Variants in PCDHGB5 observed in about 807,000 individuals in gnomAD.
The protein encoded by PCDHGB5 is protocadherin gamma-B5.
PCDHGB5 carries 48 observed loss-of-function variants against 62.9 expected under a neutral mutation model. The observed-to-expected ratio is 0.76, with a 90% CI of 0.61 to 0.97. PCDHGB5 has a LOEUF of 0.97. PCDHGB5 is among the 50% of genes least tolerant of loss of function. PCDHGB5 has a pLI of 0.00. For missense variants in PCDHGB5, 1,118 were observed against 1,198.6 expected (o/e 0.93, Z 0.99); for synonymous variants, 474 against 511.2 (o/e 0.93, Z 0.98).
intron 1 of PCDHGB5, chr5:141,405,487 T>G (rs750718741): frequency 4.3e-6 from 4 of 924,990 alleles, no homozygotes; most frequent in Non-Finnish European, 6.4e-6. Context: ...TGGTGTGATC[T>G]CGGCTCATTG....
chr5:141,423,253 C>G (rs750278899), intron 1 of PCDHGB5: 1 of 1,613,916 alleles, frequency 6.2e-7, no homozygotes, highest in Admixed American at 1.7e-5. Flanking sequence ...CCTGGCGGAC[C>G]TCGGCAGCCT....
Position 141,476,901 on chromosome 5 carries a change from G to A in PCDHGB5, c.2398-17906G>A, listed in dbSNP as rs1466086788. The A allele has an allele frequency of 1.9e-6, 3 of 1,613,782 alleles. No individual in the cohort carries two copies. The African/African-American group carries it at 4.0e-5, about 22-fold the overall frequency. On this transcript the variant is annotated intron_variant, in intron 1 of 3. Coordinates refer to ENST00000617380, the MANE Select transcript of PCDHGB5 (RefSeq NM_018925.3). The surrounding 1 kb of genome is among the most constrained non-coding windows in gnomAD (Gnocchi z 7.6). ...CTGGAGGATGCACCCTCCGGCACGC[G>A]CGTGGTACAAGTCCTTGCAACGGAT...
Position 141,491,670 on chromosome 5 carries a change from C to T in PCDHGB5, c.2398-3137C>T. The T allele has an allele frequency of 2.5e-6, 4 of 1,613,768 alleles. No individual in the cohort carries two copies. Among genetic ancestry groups the T allele is most frequent in the South Asian group, 1.1e-5 (1 of 91,082 alleles). On this transcript the variant is annotated intron_variant, in intron 1 of 3. Coordinates refer to ENST00000617380, the MANE Select transcript of PCDHGB5 (RefSeq NM_018925.3). The surrounding 1 kb of genome is among the most constrained non-coding windows in gnomAD (Gnocchi z 6.9). ...CGCTGGAGCCTGACGCCATCCGGTC[C>T]CGCTCTAATACGCTGCGGGAGCGGA...
At chr5:141,408,375 T>A in intron 1 of PCDHGB5, 1 of 1,613,972 alleles carries the variant, frequency 6.2e-7, no homozygotes, top group Non-Finnish European at 8.5e-7. Context: ...GGGCTCAGTG[T>A]CCTGGATGTG....
Position 141,410,070 on chromosome 5 carries a change from C to A in PCDHGB5, c.2397+9546C>A, listed in dbSNP as rs1368179504. On this transcript the variant is annotated intron_variant, in intron 1 of 3. Transcript: ENST00000617380. ...GGACTCTTCAGCCTGGGGCTGCGCA[C>A]TGGGGAGGTGCGCACGGCTCGAGCC... 6.2e-7 allele frequency: 1 copy of A among 1,612,806 alleles called. No homozygotes were observed. The highest frequency in any genetic ancestry group is 1.3e-5 in the African/African-American group (1 of 74,938).
In PCDHGB5 at chr5:141,399,219, G is replaced by A. The variant is rs775267424; in HGVS notation, c.1092G>A (p.Leu364=). The A allele has an allele frequency of 2.5e-6, 4 of 1,613,924 alleles. No homozygotes were observed. The South Asian group carries it at 3.3e-5, about 13-fold the overall frequency. Residue 364 remains leucine, a synonymous_variant, in exon 1 of 4, where the codon TTG becomes TTA. Coordinates refer to ENST00000617380, the MANE Select transcript of PCDHGB5 (RefSeq NM_018925.3). ...ENAVPGTLIA[L]IKIHDQDSGE... Reference sequence around the variant, plus strand: ...CGGTGCCTGGAACACTAATTGCTTTGATCAAAATACATGACCAAGATTCTG... The same window carrying A: ...CGGTGCCTGGAACACTAATTGCTTTAATCAAAATACATGACCAAGATTCTG...
At position 141,399,794 on chromosome 5, in the gene PCDHGB5, C is replaced by G; in HGVS notation, c.1667C>G (p.Pro556Arg). The G allele has an allele frequency of 6.2e-7, 1 of 1,613,268 alleles. No individual in the cohort carries two copies. The highest frequency in any genetic ancestry group is 1.1e-5 in the South Asian group (1 of 91,052). Reference sequence around the variant, plus strand: ...GTGGGCGACCGAAACGACAACGCACCGCGGGTGCTGTACCCCGCGCTGGGT... The same window carrying G: ...GTGGGCGACCGAAACGACAACGCACGGCGGGTGCTGTACCCCGCGCTGGGT... ...VLVGDRNDNA[P>R]RVLYPALGPD... Residue 556 changes from proline to arginine, a missense_variant, in exon 1 of 4, where the codon CCG (proline) becomes CGG (arginine). This residue lies in a region of PCDHGB5 where 1,034 missense variants were observed against 1,029.1 expected (regional missense o/e 1.00). Transcript: ENST00000617380.
At position 141,486,426 on chromosome 5, in the gene PCDHGB5, A is replaced by T; in HGVS notation, c.2398-8381A>T. 6.2e-7 allele frequency: 1 copy of T among 1,614,190 alleles called. No homozygotes were observed. The highest frequency in any genetic ancestry group is 8.5e-7 in the Non-Finnish European group (1 of 1,180,026). ...GCTGGACCCTTGGATCGAGAGGCCA[A>T]ATCTAGCTATGACATCATGGTCACT... On this transcript the variant is annotated intron_variant, in intron 1 of 3. Coordinates refer to ENST00000617380, the MANE Select transcript of PCDHGB5 (RefSeq NM_018925.3). This position sits in a 1 kb window ranked among gnomAD's most constrained non-coding sequence, Gnocchi z 5.0.
At chr5:141,408,784 A>G (rs777838376) in intron 1 of PCDHGB5, 2 of 1,612,506 alleles carry the variant, frequency 1.2e-6, no homozygotes, top group Admixed American at 1.7e-5. Context: ...ACCCAGAGTT[A>G]TCTCTGGAGA....
Position 141,438,593 on chromosome 5 carries a change from T to TAC in PCDHGB5, c.2397+38070_2397+38071insCA, listed in dbSNP as rs1414976871. Reference sequence around the variant, plus strand: ...TGATATACATACATACATACATACATATATATATATATATATATATATATA... The same window carrying TAC: ...TGATATACATACATACATACATACATACATATATATATATATATATATATATA... On this transcript the variant is annotated intron_variant, in intron 1 of 3. Transcript: ENST00000617380. Among the ~76,000 whole-genome samples the TAC allele has an allele frequency of 1.6e-3, 115 of 73,944 alleles. 1 individual carries two copies. The highest frequency in any genetic ancestry group is 2.9e-3 in the African/African-American group (63 of 21,786). The allele number at this position is 73,944 out of a possible 152,430, so 48.5% of individuals were successfully genotyped here. A position where few individuals can be genotyped will look rare whatever the true frequency, so the allele number is the denominator to read the frequency against.
intron 1 of PCDHGB5, among the ~76,000 whole-genome samples, chr5:141,470,448 T>C (rs1384666661): frequency 6.6e-6 from 1 of 152,192 alleles, no homozygotes. Flanking sequence ...TTTAATAGCA[T>C]CTTGAATAGG....
chr5:141,427,425 AC>A (rs1184817093), intron 1 of PCDHGB5: 2 of 469,034 alleles, frequency 4.3e-6, no homozygotes, highest in Non-Finnish European at 8.5e-6. Flanking sequence ...TGGGGAGGTT[AC>A]ATGCCTCATA....
chr5:141,404,681 C>T, intron 1 of PCDHGB5: 1 of 1,614,092 alleles, frequency 6.2e-7, no homozygotes, highest in Non-Finnish European at 8.5e-7. Context: ...TGGTGTGGAG[C>T]TGGCACCCCG....
At chr5:141,418,876 C>A (rs917800201) in intron 1 of PCDHGB5, 1 of 1,613,844 alleles carries the variant, frequency 6.2e-7, no homozygotes. Context: ...AAGTTGTAGA[C>A]GAAAACGACA....
Position 141,405,226 on chromosome 5 carries a change from C to A in PCDHGB5, c.2397+4702C>A, listed in dbSNP as rs756970325. ...TACAGACCTATTCTCAGGAGTTCTCCCTCACCGCTGACTCAAGGAAGAGTC... is the reference window on the plus strand; with the variant it reads ...TACAGACCTATTCTCAGGAGTTCTCACTCACCGCTGACTCAAGGAAGAGTC... On this transcript the variant is annotated intron_variant, in intron 1 of 3. Coordinates refer to ENST00000617380, the MANE Select transcript of PCDHGB5 (RefSeq NM_018925.3). 3.1e-6 allele frequency: 5 copies of A among 1,614,052 alleles called. No individual in the cohort carries two copies. The East Asian group carries it at 1.1e-4, about 36-fold the overall frequency.
chr5:141,492,164 C>T (rs1180358388), intron 1 of PCDHGB5, among the ~76,000 whole-genome samples: 2 of 152,230 alleles, frequency 1.3e-5, no homozygotes, highest in East Asian at 1.9e-4. Context: ...CTCCCTATCC[C>T]CGCATCACCC....
chr5:141,398,882 G>A lies in PCDHGB5; in HGVS notation c.755G>A (p.Arg252Gln). 6.2e-7 allele frequency: 1 copy of A among 1,613,930 alleles called. No individual in the cohort carries two copies. Among genetic ancestry groups the A allele is most frequent in the Non-Finnish European group, 8.5e-7 (1 of 1,179,888 alleles). The part of the protein sequence containing the change: ...FNRDVYRVSL[R>Q]ENVPPGTTVL... ...CGAGACGTGTACAGAGTCAGCCTTCGGGAAAACGTGCCACCAGGCACCACT... is the reference window on the plus strand; with the variant it reads ...CGAGACGTGTACAGAGTCAGCCTTCAGGAAAACGTGCCACCAGGCACCACT... Residue 252 changes from arginine to glutamine, a missense_variant, in exon 1 of 4, where the codon CGG (arginine) becomes CAG (glutamine). Physicochemically the swap from Arg to Gln is conservative, Grantham distance 43. Transcript: ENST00000617380.
At chr5:141,428,141 G>A (rs1314061143) in intron 1 of PCDHGB5, 1 of 1,596,618 alleles carries the variant, frequency 6.3e-7, no homozygotes, top group Non-Finnish European at 8.6e-7. Context: ...GCCTGGGGCT[G>A]CACACGGGAA....
intron 1 of PCDHGB5, among the ~76,000 whole-genome samples, chr5:141,472,969 A>G: frequency 6.8e-6 from 1 of 147,990 alleles, no homozygotes; most frequent in Non-Finnish European, 1.5e-5. Flanking sequence ...CTGGGGAACA[A>G]GAGTGAAACT....
Sources: gnomAD v4.1 joint callset for allele counts (sites outside exome capture counted in the v4.1 genomes callset) on GRCh38, gnomAD v4.1.1 for gene constraint, gnomAD v4.1.1 regional missense constraint, Gnocchi (gnomAD v3.1) non-coding constraint, MANE v1.5 for transcripts, NCBI Gene and HGNC (gene_info 2026-07-23, HGNC 2026-07-21) for gene names.